VPS13A: variants seen among roughly 807,000 people sequenced by gnomAD.
VPS13A encodes vacuolar protein sorting 13 homolog A.
Under a neutral mutation model 390.9 loss-of-function variants are expected in VPS13A, and 264 were observed. The ratio of observed to expected loss-of-function variants is 0.68; its 90% confidence interval spans 0.61 to 0.75. VPS13A has a LOEUF of 0.75. VPS13A is among the 30% of genes least tolerant of loss of function. The pLI, the probability that VPS13A is intolerant of heterozygous loss-of-function variation, is 0.00. For missense variants in VPS13A, 3,409 were observed against 3,733.9 expected (o/e 0.91, Z 2.27); for synonymous variants, 1,231 against 1,227.1 (o/e 1.00, Z -0.07).
intron 22 of VPS13A, among the ~76,000 whole-genome samples, chr9:77,257,896 G>C (rs568134032): frequency 6.6e-6 from 1 of 152,046 alleles, no homozygotes; most frequent in Non-Finnish European, 1.5e-5. Context: ...CATTAACAAA[G>C]AATTGTAATT....
chr9:77,217,462 C>T (rs977277864), intron 10 of VPS13A, among the ~76,000 whole-genome samples: 10 of 152,140 alleles, frequency 6.6e-5, no homozygotes, highest in Admixed American at 3.3e-4. Context: ...ACCCCTCTCC[C>T]ATTTCTCTAC....
intron 68 of VPS13A, among the ~76,000 whole-genome samples, chr9:77,399,953 A>G (rs56074928): frequency 0.06 from 9,161 of 151,982 alleles, 378 homozygotes; most frequent in South Asian, 0.12. Context: ...ACATCTCTCT[A>G]TGTCAGTATG....
At chr9:77,200,133 G>A (rs1825239079) in intron 2 of VPS13A, 145 bp downstream of exon 2, 2 of 703,810 alleles carry the variant, frequency 2.8e-6, no homozygotes, top group Non-Finnish European at 4.7e-6. Flanking sequence ...TTGCTAAATG[G>A]AGTTTTAATC....
chr9:77,211,477 T>C (rs1384240298), intron 7 of VPS13A: 1 of 152,196 alleles, frequency 6.6e-6, no homozygotes, highest in African/African-American at 2.4e-5. Flanking sequence ...TGCATGATTT[T>C]ATTTGTTGTA....
At chr9:77,312,826 A>T (rs1193495805) in intron 35 of VPS13A, among the ~76,000 whole-genome samples, 1 of 152,224 alleles carries the variant, frequency 6.6e-6, no homozygotes, top group Admixed American at 6.5e-5. Context: ...CAATTCTCAC[A>T]TACGACTGAT....
Position 77,353,449 on chromosome 9 carries a change from A to C in VPS13A, c.7460A>C (p.Tyr2487Ser). Reference sequence around the variant, plus strand: ...ATAGATTTGGGGGAAAAGACAATATATTTAGTTTCATTCTTTGAAGGTTTA... The same window carrying C: ...ATAGATTTGGGGGAAAAGACAATATCTTTAGTTTCATTCTTTGAAGGTTTA... ...MPIDLGEKTIYLVSFFEGLQR... is the reference protein window; with the variant it reads ...MPIDLGEKTISLVSFFEGLQR... Residue 2487 changes from tyrosine to serine, a missense_variant, in exon 54 of 72, where the codon TAT becomes TCT. By Grantham distance (144) the Tyr-to-Ser change is moderately radical. Transcript: ENST00000360280. 1 of 1,611,458 alleles carries C rather than the reference A, an allele frequency of 6.2e-7. No individual in the cohort carries two copies. The highest frequency in any genetic ancestry group is 8.5e-7 in the Non-Finnish European group (1 of 1,179,070).
chr9:77,180,534 G>T (rs904358846), intron 1 of VPS13A, among the ~76,000 whole-genome samples: 2 of 152,162 alleles, frequency 1.3e-5, no homozygotes, highest in African/African-American at 4.8e-5. Context: ...CAAAGTCAAA[G>T]ATGTTCTCCT....
chr9:77,208,029 G>A (rs1303547796), intron 5 of VPS13A, among the ~76,000 whole-genome samples: 1 of 152,212 alleles, frequency 6.6e-6, no homozygotes, highest in African/African-American at 2.4e-5. Context: ...GATTTAAGGT[G>A]TTGGTAAAAT....
At chr9:77,189,829 G>T (rs1158037947) in intron 1 of VPS13A, among the ~76,000 whole-genome samples, 1 of 150,776 alleles carries the variant, frequency 6.6e-6, no homozygotes, top group Non-Finnish European at 1.5e-5. Context: ...TCTCTGATTA[G>T]CTCTATTCCT....
chr9:77,341,213 T>C (rs1830786830), intron 50 of VPS13A, among the ~76,000 whole-genome samples: 1 of 152,096 alleles, frequency 6.6e-6, no homozygotes, highest in African/African-American at 2.4e-5. Context: ...GAAAAATCTC[T>C]CTGGCGGGAG....
intron 1 of VPS13A, among the ~76,000 whole-genome samples, chr9:77,178,956 C>T (rs964873176): frequency 1.8e-4 from 27 of 152,334 alleles, no homozygotes; most frequent in Admixed American, 1.8e-3. Context: ...AAGAATGTTA[C>T]TACCGTGGGG....
intron 17 of VPS13A, among the ~76,000 whole-genome samples, chr9:77,230,761 C>T (rs908913717): frequency 9.9e-5 from 15 of 151,964 alleles, no homozygotes; most frequent in African/African-American, 3.4e-4. Context: ...AAAAAATAAG[C>T]TCAGATTTGA....
rs940823227 is a variant in VPS13A at position 77,380,175 on chromosome 9, T to C, written c.9078-1801T>C. 2.0e-5 allele frequency among the ~76,000 whole-genome samples: 3 copies of C among 152,168 alleles called. No individual in the cohort carries two copies. The South Asian group carries it at 6.2e-4, about 31-fold the overall frequency. ...TTAGCATGGCCACTTTAGCTTTCTT[T>C]TAGTTACTGTTCACTTTGCATATAT... On this transcript the variant is annotated intron_variant, in intron 67 of 71. Transcript: ENST00000360280.
At chr9:77,178,039 G>C (rs1823752413) in intron 1 of VPS13A, 1 of 488,282 alleles carries the variant, frequency 2.0e-6, no homozygotes, top group Admixed American at 3.4e-5. Flanking sequence ...GGGATGAAAA[G>C]GTCTATATTT....
chr9:77,371,012 T>A lies in VPS13A; in HGVS notation c.8954-14T>A, dbSNP rs1288489494. Reference sequence around the variant, plus strand: ...TCTTGGATGCAATTGTCAAAAACTCTTTTTTCTTTCCAGGAGCTCAAAAAG... The same window carrying A: ...TCTTGGATGCAATTGTCAAAAACTCATTTTTCTTTCCAGGAGCTCAAAAAG... On this transcript the variant is annotated splice_polypyrimidine_tract_variant and intron_variant, in intron 66 of 71. Coordinates refer to ENST00000360280, the MANE Select transcript of VPS13A (RefSeq NM_033305.3). 8.1e-6 allele frequency: 13 copies of A among 1,614,116 alleles called. No homozygotes were observed. In the African/African-American group the frequency reaches 1.2e-4, roughly 15 times the overall value.
chr9:77,200,120 A>G, intron 2 of VPS13A, 132 bp downstream of exon 2: 2 of 790,600 alleles, frequency 2.5e-6, no homozygotes, highest in Non-Finnish European at 4.0e-6. Flanking sequence ...CAAAATGTAA[A>G]TTTTGCTAAA....
At chr9:77,376,103 G>A (rs894727443) in intron 67 of VPS13A, among the ~76,000 whole-genome samples, 1 of 152,134 alleles carries the variant, frequency 6.6e-6, no homozygotes, top group African/African-American at 2.4e-5. Flanking sequence ...GAAGTAAAGG[G>A]TGAGCCATGT....
chr9:77,307,841 G>T lies in VPS13A; in HGVS notation c.3961-104G>T, dbSNP rs994652553. The T allele has an allele frequency of 3.2e-6, 3 of 924,040 alleles. No homozygotes were observed. The African/African-American group carries it at 4.9e-5, about 15-fold the overall frequency. 57.2% of individuals were successfully genotyped at this position (924,040 alleles called of 1,614,324 possible). On this transcript the variant is annotated intron_variant, in intron 34 of 71. Transcript: ENST00000360280. Reference sequence around the variant, plus strand: ...AAAATGTTTAATTGGTGTGGTAGAGGATTGAAACAGTCTTTCATTTTTCTC... The same window carrying T: ...AAAATGTTTAATTGGTGTGGTAGAGTATTGAAACAGTCTTTCATTTTTCTC...
intron 22 of VPS13A, among the ~76,000 whole-genome samples, chr9:77,253,876 TC>T (rs1825286541): frequency 6.6e-6 from 1 of 151,670 alleles, no homozygotes; most frequent in Non-Finnish European, 1.5e-5. Context: ...TTTATTTAGA[TC>T]TTTGATCCAT....
Sources: allele counts gnomAD v4.1 joint callset (sites outside exome capture counted in the v4.1 genomes callset), GRCh38; gene constraint gnomAD v4.1.1; transcripts MANE v1.5; gene names NCBI Gene and HGNC (gene_info 2026-07-23, HGNC 2026-07-21).